The following DPP6 variants were observed in gnomAD, a reference collection of about 807,000 sequenced individuals.
The protein encoded by DPP6 is dipeptidyl peptidase like 6.
Under a neutral mutation model 122.6 loss-of-function variants are expected in DPP6, and 69 were observed. That is an observed-to-expected ratio of 0.56 (90% CI 0.46 to 0.69). The LOEUF is 0.69. Among genes scored for constraint, DPP6 ranks in the 30% least tolerant of loss-of-function variants. The pLI, the probability that DPP6 is intolerant of heterozygous loss-of-function variation, is 0.00. For missense variants in DPP6, 928 were observed against 1,116.9 expected (o/e 0.83, Z 2.41); for synonymous variants, 418 against 433.1 (o/e 0.97, Z 0.43).
At chr7:153,951,665 GAT>G (rs1187984644) in intron 1 of DPP6, among the ~76,000 whole-genome samples, 1 of 152,080 alleles carries the variant, frequency 6.6e-6, no homozygotes, top group African/African-American at 2.4e-5. Context: ...TTTATTTCTG[GAT>G]ACTATCCTAA....
At chr7:154,734,067 G>A (rs773358608) in intron 8 of DPP6, among the ~76,000 whole-genome samples, 8 of 152,238 alleles carry the variant, frequency 5.3e-5, no homozygotes, top group African/African-American at 2.4e-5. Context: ...GCCTTGGACG[G>A]TTCGACGCAG....
chr7:154,527,977 G>T (rs1827541415), intron 3 of DPP6, among the ~76,000 whole-genome samples: 1 of 150,680 alleles, frequency 6.6e-6, no homozygotes, highest in African/African-American at 2.4e-5. Flanking sequence ...ATTTGTTATT[G>T]TTATATCAGT....
intron 1 of DPP6, among the ~76,000 whole-genome samples, chr7:153,905,117 C>G (rs997274302): frequency 3.3e-5 from 5 of 152,222 alleles, no homozygotes. Context: ...GCAGCACCCT[C>G]TCTGTAATGG....
chr7:153,943,652 A>G (rs1801801006), intron 1 of DPP6, among the ~76,000 whole-genome samples: 1 of 152,040 alleles, frequency 6.6e-6, no homozygotes, highest in Admixed American at 6.6e-5. Context: ...GAAGCCACAC[A>G]CTCAGCTCCA....
At chr7:154,881,079 G>A (rs1805353056) in intron 21 of DPP6, 137 bp downstream of exon 21, 1 of 1,333,168 alleles carries the variant, frequency 7.5e-7, no homozygotes, top group Non-Finnish European at 9.8e-7. Flanking sequence ...CAAGAGCCTG[G>A]GTGCTTAGTG....
At chr7:154,220,268 C>G (rs1195189433) in intron 1 of DPP6, among the ~76,000 whole-genome samples, 2 of 152,156 alleles carry the variant, frequency 1.3e-5, no homozygotes. Flanking sequence ...TCTGCTCTTC[C>G]ATTCCTTCTG....
At chr7:154,071,750 G>A (rs1227781948) in intron 1 of DPP6, among the ~76,000 whole-genome samples, 3 of 152,162 alleles carry the variant, frequency 2.0e-5, no homozygotes, top group African/African-American at 7.2e-5. Flanking sequence ...TTTATACTAA[G>A]CCTTCACATA....
chr7:153,917,656 C>A (rs1201001039), intron 1 of DPP6, among the ~76,000 whole-genome samples: 1 of 152,192 alleles, frequency 6.6e-6, no homozygotes, highest in African/African-American at 2.4e-5. Flanking sequence ...TCTTTAAAAA[C>A]AAACGTTTAC....
chr7:154,290,482 C>T (rs1317413176), intron 1 of DPP6, among the ~76,000 whole-genome samples: 2 of 151,978 alleles, frequency 1.3e-5, no homozygotes, highest in Non-Finnish European at 2.9e-5. Flanking sequence ...CCCTGCCACC[C>T]CCCTGCCTTG....
chr7:154,716,137 T>G (rs1841470266), intron 7 of DPP6, among the ~76,000 whole-genome samples: 3 of 152,214 alleles, frequency 2.0e-5, no homozygotes. Flanking sequence ...TCCAGACTTC[T>G]GCCTCCCATC....
rs1453539410 is a variant in DPP6, at chr7:154,241,088, A to G, written c.243+188025A>G. On this transcript the variant is annotated intron_variant, in intron 1 of 25. Coordinates refer to ENST00000377770, the MANE Select transcript of DPP6 (RefSeq NM_130797.4). This position sits in a 1 kb window ranked among gnomAD's most constrained non-coding sequence, Gnocchi z 9.0. ...TTCCGTTGATAAATAAATTGATGAAAACCTTTTTTCTTACCATGTAACCAC... is the reference window on the plus strand; with the variant it reads ...TTCCGTTGATAAATAAATTGATGAAGACCTTTTTTCTTACCATGTAACCAC... Among the ~76,000 whole-genome samples the G allele has an allele frequency of 6.7e-6, 1 of 149,410 alleles. No individual in the cohort carries two copies. Among genetic ancestry groups the G allele is most frequent in the African/African-American group, 2.6e-5 (1 of 38,918 alleles).
intron 1 of DPP6, among the ~76,000 whole-genome samples, chr7:154,103,827 T>A (rs1805939481): frequency 6.6e-6 from 1 of 152,234 alleles, no homozygotes; most frequent in South Asian, 2.1e-4. Flanking sequence ...TCCCGGTTCC[T>A]CCGCCTTTGG....
chr7:154,670,133 T>C (rs1239339260), intron 7 of DPP6, among the ~76,000 whole-genome samples: 2 of 151,790 alleles, frequency 1.3e-5, no homozygotes, highest in Non-Finnish European at 1.5e-5. Flanking sequence ...GTGCTGGCAT[T>C]ACAGGCGTGA....
intron 12 of DPP6, among the ~76,000 whole-genome samples, chr7:154,798,717 G>A (rs1158518601): frequency 6.6e-6 from 1 of 152,208 alleles, no homozygotes; most frequent in East Asian, 1.9e-4. Context: ...TTGTGAGTCT[G>A]CACCTGTGAA....
chr7:154,226,262 C>T (rs892343808), intron 1 of DPP6, among the ~76,000 whole-genome samples: 1 of 152,192 alleles, frequency 6.6e-6, no homozygotes, highest in Non-Finnish European at 1.5e-5. Context: ...CCAAAAGCAT[C>T]TTGCCAATGA....
chr7:154,599,513 T>C (rs1833299491), intron 5 of DPP6, among the ~76,000 whole-genome samples: 1 of 151,042 alleles, frequency 6.6e-6, no homozygotes, highest in African/African-American at 2.4e-5. Context: ...ATTATTATTA[T>C]TATTATTATC....
chr7:154,544,913 G>A (rs541068321), intron 4 of DPP6, among the ~76,000 whole-genome samples: 3 of 152,300 alleles, frequency 2.0e-5, no homozygotes, highest in Non-Finnish European at 2.9e-5. Flanking sequence ...GGATGCTGCC[G>A]CATGTGGGCG....
At chr7:153,987,318 G>C (rs1403117383) in intron 1 of DPP6, among the ~76,000 whole-genome samples, 3 of 152,204 alleles carry the variant, frequency 2.0e-5, no homozygotes, top group Non-Finnish European at 4.4e-5. Context: ...GGGCTTCAAT[G>C]CAATTTGCTT....
chr7:154,319,744 G>A lies in DPP6; in HGVS notation c.244-126470G>A, dbSNP rs1176026872. Among the ~76,000 whole-genome samples, 3 of 151,936 alleles carry A rather than the reference G, an allele frequency of 2.0e-5. No individual in the cohort carries two copies. The East Asian group carries it at 5.8e-4, about 29-fold the overall frequency. Reference sequence around the variant, plus strand: ...GCAGTGGCTCACGCCTGTAGTCCCAGCACTTTGGGATGCTGAGGTGGGCAG... The same window carrying A: ...GCAGTGGCTCACGCCTGTAGTCCCAACACTTTGGGATGCTGAGGTGGGCAG... On this transcript the variant is annotated intron_variant, in intron 1 of 25. Coordinates refer to ENST00000377770, the MANE Select transcript of DPP6 (RefSeq NM_130797.4).
Sources: gnomAD v4.1 joint callset for allele counts (sites outside exome capture counted in the v4.1 genomes callset) on GRCh38, gnomAD v4.1.1 for gene constraint, Gnocchi (gnomAD v3.1) non-coding constraint, MANE v1.5 for transcripts, NCBI Gene and HGNC (gene_info 2026-07-23, HGNC 2026-07-21) for gene names.